The following GRIK5 variants were observed in gnomAD, a reference collection of about 807,000 sequenced individuals.
GRIK5 encodes glutamate ionotropic receptor kainate type subunit 5, also known as glutamate receptor ionotropic, kainate 5.
GRIK5 carries 43 observed loss-of-function variants against 97.4 expected under a neutral mutation model. That is an observed-to-expected ratio of 0.44 (90% CI 0.35 to 0.57). The LOEUF is 0.57. Among genes scored for constraint, GRIK5 ranks in the 20% least tolerant of loss-of-function variants. GRIK5 has a pLI of 0.01. For synonymous variants in GRIK5, 580 were observed against 583.5 expected, an observed-to-expected ratio of 0.99 and a Z score of 0.09; for missense variants, 1,015 against 1,382.0, an observed-to-expected ratio of 0.73 and a Z score of 4.21.
intron 12 of GRIK5, among the ~76,000 whole-genome samples, chr19:42,023,199 G>T (rs1039350618): frequency 6.6e-6 from 1 of 151,870 alleles, no homozygotes; most frequent in Non-Finnish European, 1.5e-5. Context: ...GATGGCGCAG[G>T]CTAAACAGCT....
intron 8 of GRIK5, among the ~76,000 whole-genome samples, chr19:42,056,325 T>A (rs2076183768): frequency 6.6e-6 from 1 of 152,120 alleles, no homozygotes; most frequent in African/African-American, 2.4e-5. Context: ...GGAAAAATCT[T>A]ATACCTGAGG....
At chr19:42,020,927 C>T (rs1357821310) in intron 15 of GRIK5, among the ~76,000 whole-genome samples, 3 of 152,094 alleles carry the variant, frequency 2.0e-5, no homozygotes, top group African/African-American at 7.2e-5. Flanking sequence ...GCTCTGTTGC[C>T]CAGGCTGGAG....
Position 42,062,065 on chromosome 19 carries a change from T to G in GRIK5, c.508+423A>C, listed in dbSNP as rs1195948814. ...CCACACCCTTCAGGTTCAGCTTGGA[T>G]GTCTCTTTCTCATAGACACAGGCTC... On this transcript the variant is annotated intron_variant, in intron 5 of 19. Coordinates refer to ENST00000593562, the MANE Select transcript of GRIK5 (RefSeq NM_002088.5). The surrounding 1 kb of genome is among the most constrained non-coding windows in gnomAD (Gnocchi z 5.3). Among the ~76,000 whole-genome samples, 1 of 152,208 alleles carries G rather than the reference T, an allele frequency of 6.6e-6. No homozygotes were observed. Among genetic ancestry groups the G allele is most frequent in the Non-Finnish European group, 1.5e-5 (1 of 68,036 alleles).
intron 11 of GRIK5, among the ~76,000 whole-genome samples, chr19:42,050,985 G>A (rs1310848789): frequency 6.6e-6 from 1 of 152,194 alleles, no homozygotes; most frequent in Non-Finnish European, 1.5e-5. Flanking sequence ...CAGACCCGTT[G>A]TATAGATAAA....
intron 15 of GRIK5, among the ~76,000 whole-genome samples, chr19:42,007,246 C>A (rs189781762): frequency 1.3e-5 from 2 of 151,914 alleles, no homozygotes. Context: ...AGGTGCCCAC[C>A]ATCACGCCCG....
rs202231372 is a variant in GRIK5 at position 42,053,787 on chromosome 19, C to A, written c.1161+38G>T. 4.5e-4 allele frequency: 704 copies of A among 1,567,470 alleles called. 5 individuals are homozygous for A. In the East Asian group the frequency reaches 0.013, roughly 29 times the overall value. Reference sequence around the variant, plus strand: ...GCCTCTGGGCCCGCCCCCACCCTCACCCCAGCAGGGCTCTGGCGTCACCCT... The same window carrying A: ...GCCTCTGGGCCCGCCCCCACCCTCAACCCAGCAGGGCTCTGGCGTCACCCT... On this transcript the variant is annotated intron_variant, in intron 10 of 19. Coordinates refer to ENST00000593562, the MANE Select transcript of GRIK5 (RefSeq NM_002088.5).
rs2075701817 is a variant in GRIK5, at chr19:42,021,845, G to A, written c.1697+102C>T. ...CACAGGGAATCCGAGGCCCCAAAGG[G>A]GAGGCCAAGGACAGTTCCGAGAGAG... On this transcript the variant is annotated intron_variant, in intron 14 of 19. Transcript: ENST00000593562. The surrounding 1 kb of genome is among the most constrained non-coding windows in gnomAD (Gnocchi z 4.2). 1 of 710,470 alleles carries A rather than the reference G, an allele frequency of 1.4e-6. No individual in the cohort carries two copies. Among genetic ancestry groups the A allele is most frequent in the South Asian group, 1.8e-5 (1 of 55,594 alleles). The allele number at this position is 710,470 out of a possible 1,614,324, so 44.0% of individuals were successfully genotyped here. A position where few individuals can be genotyped will look rare whatever the true frequency, so the allele number is the denominator to read the frequency against.
Position 41,999,115 on chromosome 19 carries a change from C to T in GRIK5, c.2699G>A (p.Gly900Asp), listed in dbSNP as rs1555870247. ...LYSAGAGGDAGSAHGGPQRLL... is the reference protein window; with the variant it reads ...LYSAGAGGDADSAHGGPQRLL... ...GCGCTGCGGGCCCCCGTGCGCGCTG[C>T]CCGCATCCCCGCCCGCGCCGGCCGA... Residue 900 changes from glycine (G) to aspartate (D), a missense_variant, in exon 20 of 20, where the codon GGC (glycine) becomes GAC (aspartate). Physicochemically the swap from Gly to Asp is moderately conservative, Grantham distance 94. Transcript: ENST00000593562. The surrounding 1 kb of genome is among the most constrained non-coding windows in gnomAD (Gnocchi z 5.0). The T allele has an allele frequency of 7.1e-7, 1 of 1,403,572 alleles. No homozygotes were observed. 86.9% of individuals were successfully genotyped at this position (1,403,572 alleles called of 1,614,324 possible). A position where few individuals can be genotyped will look rare whatever the true frequency, so the allele number is the denominator to read the frequency against.
intron 3 of GRIK5, chr19:42,063,540 C>T (rs1210721878): frequency 2.8e-6 from 1 of 359,962 alleles, no homozygotes; most frequent in East Asian, 7.4e-5. Context: ...TTCAGAAATA[C>T]ATATGGGTGC....
At position 41,999,606 on chromosome 19, in the gene GRIK5, C is replaced by T. The variant is rs1555870476; in HGVS notation, c.2515-307G>A. Among the ~76,000 whole-genome samples the T allele has an allele frequency of 6.6e-6, 1 of 152,230 alleles. No individual in the cohort carries two copies. Among genetic ancestry groups the T allele is most frequent in the Non-Finnish European group, 1.5e-5 (1 of 68,046 alleles). On this transcript the variant is annotated intron_variant, in intron 19 of 19. Transcript: ENST00000593562. The surrounding 1 kb of genome is among the most constrained non-coding windows in gnomAD (Gnocchi z 5.0). ...CACTGTCTCTAAATTTTCTCCAGTT[C>T]TTCCTTCCTGATTTCCCATCTTCTG...
intron 12 of GRIK5, among the ~76,000 whole-genome samples, chr19:42,036,636 G>A (rs1160689106): frequency 4.6e-5 from 7 of 152,216 alleles, no homozygotes; most frequent in African/African-American, 9.6e-5. Flanking sequence ...GATTACAGGC[G>A]TAAGCCACCA....
At chr19:42,028,630 C>A (rs111811188) in intron 12 of GRIK5, among the ~76,000 whole-genome samples, 17 of 152,272 alleles carry the variant, frequency 1.1e-4, no homozygotes, top group African/African-American at 4.1e-4. Context: ...TCCCCAGGGT[C>A]TGACTTTCAG....
At position 41,999,416 on chromosome 19, in the gene GRIK5, C is replaced by T. The variant is rs2075407318; in HGVS notation, c.2515-117G>A. 2.7e-6 allele frequency: 2 copies of T among 735,890 alleles called. No individual in the cohort carries two copies. The highest frequency in any genetic ancestry group is 3.4e-5 in the Admixed American group (1 of 29,658). The allele number at this position is 735,890 out of a possible 1,614,324, so 45.6% of individuals were successfully genotyped here. A position where few individuals can be genotyped will look rare whatever the true frequency, so the allele number is the denominator to read the frequency against. Reference sequence around the variant, plus strand: ...CTCGCCCGGGTCTTTCTTCCTTCTGCCCTCGCTTCCCTTCCCACTTCTCTT... The same window carrying T: ...CTCGCCCGGGTCTTTCTTCCTTCTGTCCTCGCTTCCCTTCCCACTTCTCTT... On this transcript the variant is annotated intron_variant, in intron 19 of 19. Transcript: ENST00000593562. This position sits in a 1 kb window ranked among gnomAD's most constrained non-coding sequence, Gnocchi z 5.0.
chr19:42,034,365 C>T (rs557253969), intron 12 of GRIK5, among the ~76,000 whole-genome samples: 1 of 152,228 alleles, frequency 6.6e-6, no homozygotes, highest in South Asian at 2.1e-4. Context: ...CAGAGCAAGA[C>T]CCTGTTTCAA....
chr19:42,040,824 T>C (rs2075969014), intron 12 of GRIK5, among the ~76,000 whole-genome samples: 1 of 152,028 alleles, frequency 6.6e-6, no homozygotes, highest in African/African-American at 2.4e-5. Context: ...TGAGCAGAGA[T>C]CGTGCCATTG....
At position 42,021,407 on chromosome 19, in the gene GRIK5, G is replaced by A; in HGVS notation, c.1765C>T (p.Gln589Ter). Residue 589 changes from glutamine to a stop codon, truncating the protein, a stop_gained, in exon 15 of 20, where the codon CAG becomes TAG. Transcript: ENST00000593562. LOFTEE classifies it high-confidence loss of function. This position sits in a 1 kb window ranked among gnomAD's most constrained non-coding sequence, Gnocchi z 4.2. ...CACAGGCTGTTGCCCAGCGTGTACT[G>A]GTTCTCCAGGATGTGGGGGCGTGCC... ...LRARPHILENQYTLGNSLWFP... is the reference protein window; with the variant it reads ...LRARPHILEN The A allele has an allele frequency of 6.2e-7, 1 of 1,612,346 alleles. No individual in the cohort carries two copies.
intron 12 of GRIK5, among the ~76,000 whole-genome samples, chr19:42,028,958 C>A (rs2146072979): frequency 6.6e-6 from 1 of 152,346 alleles, no homozygotes; most frequent in South Asian, 2.1e-4. Flanking sequence ...TAGGTCAGTG[C>A]AGTGGCCCAT....
intron 8 of GRIK5, among the ~76,000 whole-genome samples, chr19:42,055,374 T>C (rs779230918): frequency 6.6e-6 from 1 of 152,220 alleles, no homozygotes; most frequent in Admixed American, 6.5e-5. Context: ...CGCGTAGAAG[T>C]GTCTTGGTGT....
chr19:42,005,931 C>T lies in GRIK5; in HGVS notation c.2055G>A (p.Thr685=), dbSNP rs200438631. 10 of 1,569,132 alleles carry T rather than the reference C, an allele frequency of 6.4e-6. No homozygotes were observed. Among genetic ancestry groups the T allele is most frequent in the African/African-American group, 5.4e-5 (4 of 74,230 alleles). Residue 685 remains threonine (T), a synonymous_variant, in exon 17 of 20, where the codon ACG becomes ACA. Coordinates refer to ENST00000593562, the MANE Select transcript of GRIK5 (RefSeq NM_002088.5). ...GCATGTAGTTCCACATGCGCTGGTA[C>T]GTTTGGTACCGTGAATTCTGGGCAG... ...MTFFQNSRYQ[T]YQRMWNYMQS... is the part of the protein sequence containing the mutation.
Sources: gnomAD v4.1 joint callset for allele counts (sites outside exome capture counted in the v4.1 genomes callset) on GRCh38, gnomAD v4.1.1 for gene constraint, Gnocchi (gnomAD v3.1) non-coding constraint, MANE v1.5 for transcripts, NCBI Gene and HGNC (gene_info 2026-07-23, HGNC 2026-07-21) for gene names.